The following CACNA2D3 variants were observed in gnomAD, a reference collection of about 807,000 sequenced individuals.
CACNA2D3 encodes the protein calcium voltage-gated channel auxiliary subunit alpha2delta 3.
A neutral mutation model predicts 160.6 loss-of-function variants in CACNA2D3; 60 were observed. The observed-to-expected ratio is 0.37, with a 90% CI of 0.30 to 0.46. CACNA2D3 has a LOEUF of 0.46. CACNA2D3 is among the 20% of genes least tolerant of loss of function. The pLI, the probability that CACNA2D3 is intolerant of heterozygous loss-of-function variation, is 1.00. For synonymous variants in CACNA2D3, 558 were observed against 492.9 expected, an observed-to-expected ratio of 1.13 and a Z score of -1.75; for missense variants, 1,205 against 1,365.0, an observed-to-expected ratio of 0.88 and a Z score of 1.85.
intron 3 of CACNA2D3, among the ~76,000 whole-genome samples, chr3:54,368,719 T>TTTGAG (rs1575418309): frequency 7.0e-6 from 1 of 142,020 alleles, no homozygotes; most frequent in South Asian, 2.3e-4. Context: ...TTTTTTTTTT[T>TTTGAG]GAGGCGGAGT....
At position 54,464,170 on chromosome 3, in the gene CACNA2D3, A is replaced by T. The variant is rs538774562; in HGVS notation, c.382-39322A>T. Among the ~76,000 whole-genome samples, 4 of 152,320 alleles carry T rather than the reference A, an allele frequency of 2.6e-5. No homozygotes were observed. In the South Asian group the frequency reaches 6.2e-4, roughly 24 times the overall value. ...GGAGTACCCAGCCGTGTGAGGTGTC[A>T]GTCTGCCCCTACTGGGGGGTGCCTC... is the stretch of plus-strand genomic sequence containing the variant. On this transcript the variant is annotated intron_variant, in intron 4 of 37. Coordinates refer to ENST00000474759, the MANE Select transcript of CACNA2D3 (RefSeq NM_018398.3).
intron 11 of CACNA2D3, among the ~76,000 whole-genome samples, chr3:54,697,362 A>G (rs943197115): frequency 6.6e-6 from 1 of 152,158 alleles, no homozygotes; most frequent in African/African-American, 2.4e-5. Flanking sequence ...AGGTATCTGC[A>G]TGTTAACAAG....
chr3:54,295,493 A>C (rs908151821), intron 2 of CACNA2D3, among the ~76,000 whole-genome samples: 5 of 152,188 alleles, frequency 3.3e-5, no homozygotes, highest in Admixed American at 1.3e-4. Context: ...AGATCCATCA[A>C]ATATATGTAG....
intron 35 of CACNA2D3, among the ~76,000 whole-genome samples, chr3:55,042,078 A>C (rs1703970158): frequency 1.3e-5 from 2 of 152,100 alleles, no homozygotes; most frequent in South Asian, 4.1e-4. Context: ...GAATATTGCT[A>C]TTTTGGTGAA....
intron 2 of CACNA2D3, among the ~76,000 whole-genome samples, chr3:54,159,902 G>T (rs569548335): frequency 2.0e-5 from 3 of 152,194 alleles, no homozygotes; most frequent in African/African-American, 7.2e-5. Flanking sequence ...TAAAAGTATC[G>T]TTTATATAGC....
chr3:54,619,665 T>G (rs535103572), intron 9 of CACNA2D3, among the ~76,000 whole-genome samples: 5 of 152,336 alleles, frequency 3.3e-5, no homozygotes, highest in African/African-American at 4.8e-5. Flanking sequence ...CTACCAGCTT[T>G]CTTCAGCCAT....
chr3:54,883,881 C>G (rs866515506), intron 21 of CACNA2D3, among the ~76,000 whole-genome samples: 1 of 149,948 alleles, frequency 6.7e-6, no homozygotes, highest in Non-Finnish European at 1.5e-5. Context: ...GTTCCATGTT[C>G]TCTTTTCCTT....
intron 27 of CACNA2D3, among the ~76,000 whole-genome samples, chr3:54,919,428 G>A (rs562694336): frequency 6.0e-4 from 91 of 152,214 alleles, no homozygotes; most frequent in Non-Finnish European, 1.1e-3. Context: ...AGTGATCTGT[G>A]GATTTGACAA....
intron 13 of CACNA2D3, among the ~76,000 whole-genome samples, chr3:54,790,051 T>C (rs1341403752): frequency 6.6e-6 from 1 of 152,208 alleles, no homozygotes; most frequent in Non-Finnish European, 1.5e-5. Flanking sequence ...ATGTCACTTA[T>C]GGAGTGATTC....
intron 35 of CACNA2D3, among the ~76,000 whole-genome samples, chr3:55,037,680 A>G (rs1157526427): frequency 6.6e-6 from 1 of 152,326 alleles, no homozygotes; most frequent in South Asian, 2.1e-4. Flanking sequence ...GGGTATCATG[A>G]CATACATCTT....
At chr3:54,871,415 T>A in intron 17 of CACNA2D3, 124 bp from the exon 18 acceptor site, 1 of 652,418 alleles carries the variant, frequency 1.5e-6, no homozygotes, top group Non-Finnish European at 2.6e-6. Context: ...GCTGGGCTTC[T>A]CACCCTCATC....
intron 2 of CACNA2D3, among the ~76,000 whole-genome samples, chr3:54,231,230 G>C (rs1701764946): frequency 6.6e-6 from 1 of 152,168 alleles, no homozygotes; most frequent in South Asian, 2.1e-4. Flanking sequence ...ATGTCTGAGT[G>C]TTTCTGTTTG....
intron 2 of CACNA2D3, among the ~76,000 whole-genome samples, chr3:54,155,433 C>G (rs1291872214): frequency 6.6e-6 from 1 of 152,176 alleles, no homozygotes; most frequent in East Asian, 1.9e-4. Flanking sequence ...CTTTACCTGC[C>G]TTGGCTCAGA....
chr3:54,464,043 C>T (rs113487577), intron 4 of CACNA2D3, among the ~76,000 whole-genome samples: 3,463 of 152,314 alleles, frequency 0.023, 129 homozygotes, highest in African/African-American at 0.079. Context: ...GCACTCCAGA[C>T]CCTGTTTGCC....
chr3:54,877,701 C>T (rs1699695342), intron 18 of CACNA2D3, among the ~76,000 whole-genome samples: 1 of 152,134 alleles, frequency 6.6e-6, no homozygotes, highest in South Asian at 2.1e-4. Context: ...TTGGACACTC[C>T]CAGACCCCCA....
intron 11 of CACNA2D3, among the ~76,000 whole-genome samples, chr3:54,687,615 T>C (rs1700492530): frequency 6.6e-6 from 1 of 152,202 alleles, no homozygotes; most frequent in Non-Finnish European, 1.5e-5. Context: ...TCACTTGGGT[T>C]CAGCTATTTC....
At chr3:54,224,298 G>GA (rs1448498082) in intron 2 of CACNA2D3, among the ~76,000 whole-genome samples, 2 of 151,992 alleles carry the variant, frequency 1.3e-5, no homozygotes, top group Admixed American at 6.6e-5. Context: ...TAATGAAGTA[G>GA]AAGGAGTACA....
At chr3:54,891,587 C>T in intron 25 of CACNA2D3, 137 bp downstream of exon 25, 1 of 682,788 alleles carries the variant, frequency 1.5e-6, no homozygotes, top group East Asian at 2.7e-5. Context: ...GAGATTTTTC[C>T]TCTCTGTTCT....
chr3:54,417,935 T>C (rs1043912012), intron 4 of CACNA2D3, among the ~76,000 whole-genome samples: 1 of 152,032 alleles, frequency 6.6e-6, no homozygotes, highest in Non-Finnish European at 1.5e-5. Flanking sequence ...TATAGGCATA[T>C]GCCACCACAC....
Sources: allele counts gnomAD v4.1 joint callset (sites outside exome capture counted in the v4.1 genomes callset), GRCh38; gene constraint gnomAD v4.1.1; transcripts MANE v1.5; gene names NCBI Gene and HGNC (gene_info 2026-07-23, HGNC 2026-07-21).